PPARGC1A: variants seen among roughly 807,000 people sequenced by gnomAD.
PPARGC1A encodes the protein PPARG coactivator 1 alpha, also known as peroxisome proliferator-activated receptor gamma coactivator 1-alpha.
In PPARGC1A, 25 loss-of-function variants were observed where a neutral mutation model predicts 88.7. The ratio of observed to expected loss-of-function variants is 0.28; its 90% CI spans 0.21 to 0.39. The LOEUF is 0.39. PPARGC1A is among the 10% of genes least tolerant of loss of function. The probability of loss-of-function intolerance (pLI) is 1.00; values close to 1 mark genes in which losing one functional copy is unlikely to be tolerated. For synonymous variants in PPARGC1A, 363 were observed against 355.6 expected, an observed-to-expected ratio of 1.02 and a Z score of -0.24; for missense variants, 880 against 968.7, an observed-to-expected ratio of 0.91 and a Z score of 1.22.
chr4:24,230,950 T>A, the PPARGC1A span, among the ~76,000 whole-genome samples: 4 of 138,830 alleles, frequency 2.9e-5, no homozygotes, highest in African/African-American at 5.3e-5. Context: ...CAGAATTTAT[T>A]AAAAAAAATA....
At chr4:23,997,644 G>A in the PPARGC1A span, among the ~76,000 whole-genome samples, 4 of 151,862 alleles carry the variant, frequency 2.6e-5, no homozygotes, top group East Asian at 3.9e-4. Flanking sequence ...TGGTACTACA[G>A]GTGCACACCA....
chr4:24,243,956 C>T, the PPARGC1A span, among the ~76,000 whole-genome samples: 142,704 of 152,330 alleles, frequency 0.94, 66,988 homozygotes, highest in East Asian at 1. Flanking sequence ...GATTTGGCAT[C>T]TGTTGAGTGA....
intron 2 of PPARGC1A, among the ~76,000 whole-genome samples, chr4:23,843,449 T>A (rs1372042118): frequency 1.3e-5 from 2 of 152,000 alleles, no homozygotes; most frequent in African/African-American, 2.4e-5. Flanking sequence ...ACTGAGCTAA[T>A]CCATGCAAAT....
chr4:24,091,891 C>A, the PPARGC1A span, among the ~76,000 whole-genome samples: 1 of 150,236 alleles, frequency 6.7e-6, no homozygotes, highest in Non-Finnish European at 1.5e-5. Flanking sequence ...GAGAAATATG[C>A]ATTTCTATGT....
chr4:23,859,381 G>A (rs764081409), intron 2 of PPARGC1A, among the ~76,000 whole-genome samples: 60 of 152,252 alleles, frequency 3.9e-4, no homozygotes, highest in Non-Finnish European at 2.2e-4. Flanking sequence ...TAAGGGGAAG[G>A]TACAGGTACA....
At chr4:24,326,321 G>T in the PPARGC1A span, among the ~76,000 whole-genome samples, 1 of 152,132 alleles carries the variant, frequency 6.6e-6, no homozygotes, top group African/African-American at 2.4e-5. Context: ...CTTAAAACCA[G>T]ACAAGCCTTA....
chr4:24,388,839 G>T, the PPARGC1A span, among the ~76,000 whole-genome samples: 1 of 152,094 alleles, frequency 6.6e-6, no homozygotes, highest in Non-Finnish European at 1.5e-5. Context: ...GGCTAGGGGA[G>T]GGATAGCATT....
chr4:24,084,236 G>C, the PPARGC1A span, among the ~76,000 whole-genome samples: 1 of 152,192 alleles, frequency 6.6e-6, no homozygotes, highest in Non-Finnish European at 1.5e-5. Flanking sequence ...GGTTAGTCCT[G>C]GCTAGACCCT....
the PPARGC1A span, among the ~76,000 whole-genome samples, chr4:24,198,190 A>T: frequency 2.0e-5 from 3 of 152,234 alleles, no homozygotes; most frequent in Non-Finnish European, 4.4e-5. Context: ...CTCATGAAAT[A>T]CAAATGCCCA....
At chr4:23,892,646 T>C (rs1477264056), upstream of PPARGC1A, among the ~76,000 whole-genome samples, 4 of 151,962 alleles carry the variant, frequency 2.6e-5, no homozygotes, top group African/African-American at 9.7e-5. Context: ...TAATTCTCTC[T>C]CTGCTTTGAC....
chr4:23,896,402 A>G (rs1305682948), intron 1 of PPARGC1A, among the ~76,000 whole-genome samples: 1 of 152,156 alleles, frequency 6.6e-6, no homozygotes, highest in Non-Finnish European at 1.5e-5. Flanking sequence ...CTGACGCCCA[A>G]TATTATATCT....
the PPARGC1A span, among the ~76,000 whole-genome samples, chr4:24,104,210 C>A: frequency 0.028 from 4,304 of 152,280 alleles, 199 homozygotes; most frequent in African/African-American, 0.097. Context: ...GTAGAGTGGG[C>A]GCCCTCTTCG....
chr4:24,385,455 C>G, the PPARGC1A span, among the ~76,000 whole-genome samples: 2 of 152,120 alleles, frequency 1.3e-5, no homozygotes, highest in African/African-American at 2.4e-5. Context: ...AATCCAGGAG[C>G]TGGTTTTTTG....
upstream of PPARGC1A, among the ~76,000 whole-genome samples, chr4:23,905,779 T>C (rs144966387): frequency 4.1e-3 from 624 of 152,334 alleles, 6 homozygotes; most frequent in African/African-American, 0.014. Flanking sequence ...CAAAAGCTTG[T>C]AAGTGGGAGA....
the PPARGC1A span, among the ~76,000 whole-genome samples, chr4:24,018,950 A>T: frequency 6.6e-6 from 1 of 152,234 alleles, no homozygotes; most frequent in Non-Finnish European, 1.5e-5. Context: ...TATACCAGGG[A>T]TACACCTAGG....
At chr4:24,086,705 C>T in the PPARGC1A span, among the ~76,000 whole-genome samples, 1 of 151,812 alleles carries the variant, frequency 6.6e-6, no homozygotes, top group Non-Finnish European at 1.5e-5. Context: ...GGGGGGTATT[C>T]AAAAAAACAC....
At chr4:24,307,106 T>C in the PPARGC1A span, among the ~76,000 whole-genome samples, 1 of 152,218 alleles carries the variant, frequency 6.6e-6, no homozygotes, top group Non-Finnish European at 1.5e-5. Flanking sequence ...TCAAGTCATC[T>C]ATAAATTTCC....
the PPARGC1A span, among the ~76,000 whole-genome samples, chr4:24,373,549 T>C: frequency 1.3e-5 from 2 of 152,158 alleles, no homozygotes; most frequent in Non-Finnish European, 1.5e-5. Flanking sequence ...AGACTGCAAA[T>C]CTATAATGAA....
chr4:24,443,414 G>A, the PPARGC1A span, among the ~76,000 whole-genome samples: 1 of 152,214 alleles, frequency 6.6e-6, no homozygotes, highest in African/African-American at 2.4e-5. Context: ...TCTGGCACTG[G>A]GGAAGGGAGA....
Sources: allele counts gnomAD v4.1 joint callset (sites outside exome capture counted in the v4.1 genomes callset), GRCh38; gene constraint gnomAD v4.1.1; transcripts MANE v1.5; gene names NCBI Gene and HGNC (gene_info 2026-07-23, HGNC 2026-07-21).